Variants in TOX3 observed in about 807,000 individuals in gnomAD.
The protein encoded by TOX3 is CAG trinucleotide repeat-containing gene F9 protein.
TOX3 carries 22 observed loss-of-function variants against 64.3 expected under a neutral mutation model. That is an observed-to-expected ratio of 0.34 (90% confidence interval 0.24 to 0.49). TOX3 has a LOEUF of 0.49. Among genes scored for constraint, TOX3 ranks in the 20% least tolerant of loss-of-function variants. The pLI is 0.99. For synonymous variants in TOX3, 291 were observed against 273.6 expected, an observed-to-expected ratio of 1.06 and a Z score of -0.63; for missense variants, 661 against 714.4, an observed-to-expected ratio of 0.93 and a Z score of 0.85.
chr16:52,459,040 G>T (rs972733698), intron 3 of TOX3, among the ~76,000 whole-genome samples: 2 of 152,138 alleles, frequency 1.3e-5, no homozygotes, highest in Admixed American at 1.3e-4. Flanking sequence ...CAGGCCAGGT[G>T]CAGTGGCTCA....
At chr16:52,489,438 G>A (rs1961615054) in intron 1 of TOX3, among the ~76,000 whole-genome samples, 1 of 152,020 alleles carries the variant, frequency 6.6e-6, no homozygotes, top group African/African-American at 2.4e-5. Flanking sequence ...CAAAGCCCAT[G>A]GACATGTCCC....
At chr16:52,468,892 G>T (rs1218994123) in intron 1 of TOX3, among the ~76,000 whole-genome samples, 1 of 152,064 alleles carries the variant, frequency 6.6e-6, no homozygotes. Context: ...GAGGTGAGAG[G>T]GAAAAGAGTT....
chr16:52,464,973 T>C (rs1960811239), intron 2 of TOX3, among the ~76,000 whole-genome samples: 1 of 148,144 alleles, frequency 6.8e-6, no homozygotes. Context: ...AGAAGTATTA[T>C]ATCTCAAGAC....
rs1179147061 is a variant in TOX3 at position 52,547,079 on chromosome 16, G to C, written c.-356C>G. 1 of 418,794 alleles carries C rather than the reference G, an allele frequency of 2.4e-6. No homozygotes were observed. Among genetic ancestry groups the C allele is most frequent in the Non-Finnish European group, 3.2e-6 (1 of 314,492 alleles). 25.9% of individuals were successfully genotyped at this position (418,794 alleles called of 1,614,324 possible). The stretch of plus-strand genomic sequence containing the variant: ...TGGGCGAGGCTGGGACGGCGGCGGC[G>C]GCGGCGGCTGGCCCCGCTCCTCCTC... On this transcript the variant is annotated 5_prime_UTR_variant, in exon 1 of 7. Transcript: ENST00000219746.
chr16:52,474,934 TCCTTCACCACCCCAGACATGTTC>T (rs1213411406), intron 1 of TOX3, among the ~76,000 whole-genome samples: 2 of 152,144 alleles, frequency 1.3e-5, no homozygotes, highest in African/African-American at 4.8e-5. Context: ...TTCCTATTGT[TCCTTCACCACCCCAGACATGTTC>T]CCACCCCAGG....
intron 3 of TOX3, among the ~76,000 whole-genome samples, chr16:52,451,203 C>G (rs1201417606): frequency 6.6e-6 from 1 of 152,204 alleles, no homozygotes; most frequent in Non-Finnish European, 1.5e-5. Flanking sequence ...TTGTCAGCGG[C>G]ATCTGGAAGT....
chr16:52,530,855 C>T (rs909246241), intron 1 of TOX3, among the ~76,000 whole-genome samples: 4 of 152,128 alleles, frequency 2.6e-5, no homozygotes, highest in African/African-American at 9.7e-5. Context: ...CCTTGGACTT[C>T]CACAAGCTTC....
At chr16:52,445,828 G>T in intron 5 of TOX3, 166 bp downstream of exon 5, 1 of 653,242 alleles carries the variant, frequency 1.5e-6, no homozygotes. Context: ...TATAACTGGA[G>T]AGTTGTTTAG....
chr16:52,542,801 A>C (rs1267201386), intron 1 of TOX3, among the ~76,000 whole-genome samples: 2 of 152,162 alleles, frequency 1.3e-5, no homozygotes, highest in Non-Finnish European at 2.9e-5. Flanking sequence ...ATTCCCCCCA[A>C]TATGTTCTCA....
intron 1 of TOX3, among the ~76,000 whole-genome samples, chr16:52,532,184 A>T (rs891585112): frequency 2.6e-5 from 4 of 152,168 alleles, no homozygotes; most frequent in African/African-American, 9.7e-5. Context: ...AAATGGCCAC[A>T]ATTCTCCACA....
At chr16:52,546,559 C>A in intron 1 of TOX3, 78 bp downstream of exon 1, 1 of 1,318,272 alleles carries the variant, frequency 7.6e-7, no homozygotes, top group East Asian at 2.7e-5. Context: ...GTGCAGCAGG[C>A]GGTGAGCCCG....
At chr16:52,526,412 A>G (rs1275487003) in intron 1 of TOX3, among the ~76,000 whole-genome samples, 1 of 152,212 alleles carries the variant, frequency 6.6e-6, no homozygotes, top group East Asian at 1.9e-4. Flanking sequence ...AAGCCAAATG[A>G]GTGTTCAAGG....
intron 3 of TOX3, among the ~76,000 whole-genome samples, chr16:52,459,946 G>A (rs1960638838): frequency 6.6e-6 from 1 of 152,010 alleles, no homozygotes; most frequent in Non-Finnish European, 1.5e-5. Flanking sequence ...GGTAATTTTA[G>A]ATGTAATATT....
intron 1 of TOX3, among the ~76,000 whole-genome samples, chr16:52,502,000 C>T (rs1380145218): frequency 1.3e-5 from 2 of 152,164 alleles, no homozygotes; most frequent in African/African-American, 4.8e-5. Context: ...CCTGCCTCCG[C>T]AAGTAAAACT....
At chr16:52,519,988 AAAAAG>A (rs1401312288) in intron 1 of TOX3, among the ~76,000 whole-genome samples, 1 of 151,516 alleles carries the variant, frequency 6.6e-6, no homozygotes, top group African/African-American at 2.4e-5. Flanking sequence ...AAAAAAAAAA[AAAAAG>A]AAGAAGAAGA....
At chr16:52,462,498 T>C (rs1234547926) in intron 3 of TOX3, among the ~76,000 whole-genome samples, 1 of 152,138 alleles carries the variant, frequency 6.6e-6, no homozygotes, top group African/African-American at 2.4e-5. Flanking sequence ...TAAAGGCAGA[T>C]TCTTATATTA....
At chr16:52,484,809 C>T (rs780573090) in intron 1 of TOX3, among the ~76,000 whole-genome samples, 5 of 152,038 alleles carry the variant, frequency 3.3e-5, no homozygotes, top group Non-Finnish European at 5.9e-5. Flanking sequence ...GAAATTAGTT[C>T]AATCTCTATG....
At position 52,450,566 on chromosome 16, in the gene TOX3, G is replaced by A; in HGVS notation, c.409-20C>T. The A allele has an allele frequency of 6.2e-7, 1 of 1,612,894 alleles. No homozygotes were observed. Among genetic ancestry groups the A allele is most frequent in the Non-Finnish European group, 8.5e-7 (1 of 1,179,120 alleles). Reference sequence around the variant, plus strand: ...CTGATCCTAGAAAGGCAGCAACAAAGGGGGAAAATATTTCAGCTTTTCCAG... The same window carrying A: ...CTGATCCTAGAAAGGCAGCAACAAAAGGGGAAAATATTTCAGCTTTTCCAG... On this transcript the variant is annotated intron_variant, in intron 3 of 6. Transcript: ENST00000219746.
At chr16:52,488,778 GACATACAGAT>G (rs45542733) in intron 1 of TOX3, among the ~76,000 whole-genome samples, 219 of 152,264 alleles carry the variant, frequency 1.4e-3, no homozygotes, top group Non-Finnish European at 2.8e-3. Flanking sequence ...CACAGAGAGA[GACATACAGAT>G]ACACACACGA....
Sources: allele counts gnomAD v4.1 joint callset (sites outside exome capture counted in the v4.1 genomes callset), GRCh38; gene constraint gnomAD v4.1.1; transcripts MANE v1.5; gene names NCBI Gene and HGNC (gene_info 2026-07-23, HGNC 2026-07-21).